The following MAPK8IP3 variants were observed in gnomAD, a reference collection of about 807,000 sequenced individuals.
MAPK8IP3 encodes mitogen-activated protein kinase 8 interacting protein 3.
MAPK8IP3 carries 49 observed loss-of-function variants against 157.8 expected under a neutral mutation model. The ratio of observed to expected loss-of-function variants is 0.31; its 90% CI spans 0.25 to 0.39. The LOEUF (loss-of-function observed/expected upper bound fraction) is 0.39, where lower values mean the gene tolerates loss of function less well. MAPK8IP3 is among the 10% of genes least tolerant of loss of function. The pLI is 1.00. For synonymous variants in MAPK8IP3, 897 were observed against 777.7 expected (o/e 1.15, Z -2.55); for missense variants, 1,478 against 1,889.4 (o/e 0.78, Z 4.04).
intron 22 of MAPK8IP3, 24 bp from the exon 23 acceptor site, chr16:1,766,505 C>A: frequency 6.2e-7 from 1 of 1,609,366 alleles, no homozygotes; most frequent in Non-Finnish European, 8.5e-7. Flanking sequence ...GTGGCCCCCC[C>A]TGGAGCCACC....
At chr16:1,747,749 C>T (rs1164533995) in intron 6 of MAPK8IP3, among the ~76,000 whole-genome samples, 2 of 151,910 alleles carry the variant, frequency 1.3e-5, no homozygotes, top group Non-Finnish European at 2.9e-5. Context: ...GCACACAGCC[C>T]CACTAACCAG....
chr16:1,758,006 CCTCT>C (rs1427960815), intron 8 of MAPK8IP3, 138 bp from the exon 9 acceptor site: 3 of 823,430 alleles, frequency 3.6e-6, no homozygotes, highest in East Asian at 2.6e-5. Flanking sequence ...GAGGCTGCTC[CCTCT>C]CTCTCCTGCC....
chr16:1,758,433 C>T (rs777218632), intron 9 of MAPK8IP3, among the ~76,000 whole-genome samples: 2 of 152,206 alleles, frequency 1.3e-5, no homozygotes, highest in African/African-American at 2.4e-5. Context: ...AAGCCACGCA[C>T]GGCAGTGACT....
intron 4 of MAPK8IP3, among the ~76,000 whole-genome samples, chr16:1,732,858 C>T (rs1196588059): frequency 2.0e-5 from 3 of 148,326 alleles, no homozygotes; most frequent in Non-Finnish European, 3.0e-5. Context: ...GAATGGGCAG[C>T]GCCAGCCATC....
At chr16:1,765,280 T>A in intron 20 of MAPK8IP3, 102 bp downstream of exon 20, 1 of 1,337,814 alleles carries the variant, frequency 7.5e-7, no homozygotes. Context: ...CGGGGTGTCC[T>A]GTGGACACGG....
chr16:1,762,891 C>T lies in MAPK8IP3; in HGVS notation c.1783C>T (p.Pro595Ser). Reference protein sequence around the residue: ...SSPPPAKRPYPSVNIHYKSPT... With the variant: ...SSPPPAKRPYSSVNIHYKSPT... ...CCCCCCTCCGGCCAAGCGCCCCTAT[C>T]CCTCGGTGAACATCCACTACAAGTC... Residue 595 changes from proline (P) to serine (S), a missense_variant, in exon 16 of 32, where the codon CCC becomes TCC. Around this residue, in one of 11 missense-constraint regions of MAPK8IP3, gnomAD observed 669 missense variants for 759.8 expected, o/e 0.88. Transcript: ENST00000610761. 2 of 1,613,182 alleles carry T rather than the reference C, an allele frequency of 1.2e-6. No homozygotes were observed. Among genetic ancestry groups the T allele is most frequent in the Non-Finnish European group, 1.7e-6 (2 of 1,179,986 alleles).
chr16:1,708,049 G>C (rs1436742688), intron 1 of MAPK8IP3: 1 of 152,206 alleles, frequency 6.6e-6, no homozygotes, highest in East Asian at 1.9e-4. Flanking sequence ...GTTATGCATT[G>C]ATTGGAATGC....
chr16:1,752,435 C>T (rs746948211), intron 8 of MAPK8IP3: 6 of 331,856 alleles, frequency 1.8e-5, no homozygotes, highest in Non-Finnish European at 3.0e-5. Flanking sequence ...GAGCCTTAAA[C>T]GTAATGCGTA....
intron 28 of MAPK8IP3, 21 bp downstream of exon 28, chr16:1,767,939 C>T (rs1168018731): frequency 3.1e-6 from 5 of 1,608,354 alleles, no homozygotes; most frequent in South Asian, 2.2e-5. Flanking sequence ...TGCACACCTG[C>T]AGGGGCAGTG....
At chr16:1,763,843 GGCGGGGCGCT>G in intron 17 of MAPK8IP3, 60 bp downstream of exon 17, 1 of 1,252,258 alleles carries the variant, frequency 8.0e-7, no homozygotes, top group Non-Finnish European at 1.1e-6. Flanking sequence ...GGGGGTAAGG[GGCGGGGCGCT>G]GTGGGGCGGG....
At chr16:1,714,696 T>A (rs937530582) in intron 1 of MAPK8IP3, among the ~76,000 whole-genome samples, 5 of 152,098 alleles carry the variant, frequency 3.3e-5, no homozygotes. Flanking sequence ...ACAGTCCCAG[T>A]GGGCCCTTGC....
intron 13 of MAPK8IP3, 70 bp downstream of exon 13, chr16:1,761,375 GTTCACCA>G: frequency 7.9e-7 from 1 of 1,264,276 alleles, no homozygotes; most frequent in Middle Eastern, 1.9e-4. Flanking sequence ...GGCGGCCACC[GTTCACCA>G]TTCACACACA....
rs1459145221 is a variant in MAPK8IP3, at chr16:1,748,336, ACAGGAAG to A, written c.1092_1097+1del. On this transcript the variant is annotated frameshift_variant, in exon 7 of 32. Coordinates refer to ENST00000610761, the MANE Select transcript of MAPK8IP3 (RefSeq NM_001318852.2). LOFTEE classifies it high-confidence loss of function. ...GTGTCCAGAGACCCGCCTGGACCGC[ACAGGAAG>A]CAGGTACTGGCTCAGCCCAGGCCCT... 1 of 1,613,598 alleles carries A rather than the reference ACAGGAAG, an allele frequency of 6.2e-7. No homozygotes were observed.
intron 30 of MAPK8IP3, 39 bp downstream of exon 30, chr16:1,768,417 T>G: frequency 1.9e-6 from 3 of 1,598,272 alleles, no homozygotes; most frequent in South Asian, 2.2e-5. Context: ...ATCCCCTGCA[T>G]GCCAGTGGCC....
chr16:1,750,983 G>A (rs950279009), intron 8 of MAPK8IP3, among the ~76,000 whole-genome samples: 4 of 152,100 alleles, frequency 2.6e-5, no homozygotes, highest in Admixed American at 1.3e-4. Flanking sequence ...CAGACACCAT[G>A]GCCCATGGCC....
chr16:1,714,543 A>C (rs1381724674), intron 1 of MAPK8IP3, among the ~76,000 whole-genome samples: 1 of 152,120 alleles, frequency 6.6e-6, no homozygotes, highest in Non-Finnish European at 1.5e-5. Flanking sequence ...CCAGATTCAA[A>C]ACTTGCCTTT....
Position 1,762,965 on chromosome 16 carries a change from G to C in MAPK8IP3, c.1857G>C (p.Pro619=). ...FSQRRNHAMC[P]ISAGSRPLEF... ...AGCGCCGCAACCATGCCATGTGCCC[G>C]ATCTCGGCAGGCAGCCGGCCCCTGG... Residue 619 remains proline (P), a synonymous_variant, in exon 16 of 32, where the codon CCG becomes CCC. Transcript: ENST00000610761. 3.7e-6 allele frequency: 6 copies of C among 1,612,978 alleles called. No homozygotes were observed. Among genetic ancestry groups the C allele is most frequent in the Non-Finnish European group, 4.2e-6 (5 of 1,179,990 alleles).
At chr16:1,763,057 C>G in intron 16 of MAPK8IP3, 51 bp downstream of exon 16, 1 of 1,602,786 alleles carries the variant, frequency 6.2e-7, no homozygotes, top group Non-Finnish European at 8.5e-7. Context: ...TTGGGGAGGC[C>G]CTGTCCTGAG....
rs548921212 is a variant in MAPK8IP3 at position 1,717,585 on chromosome 16, C to T, written c.319-6972C>T. ...GGTGGTCGTGTCAAATACACGCTGC[C>T]CTGCAGCATGGATCACGAGCACGTG... On this transcript the variant is annotated intron_variant, in intron 1 of 31. Transcript: ENST00000610761. Among the ~76,000 whole-genome samples, 9 of 152,340 alleles carry T rather than the reference C, an allele frequency of 5.9e-5. No individual in the cohort carries two copies. In the South Asian group the frequency reaches 1.5e-3, roughly 25 times the overall value.
Sources: allele counts gnomAD v4.1 joint callset (sites outside exome capture counted in the v4.1 genomes callset), GRCh38; gene constraint gnomAD v4.1.1; regional missense constraint gnomAD v4.1.1; transcripts MANE v1.5; gene names NCBI Gene and HGNC (gene_info 2026-07-23, HGNC 2026-07-21).